Variants in KCNB2 observed in about 807,000 individuals in gnomAD.
KCNB2 encodes the protein delayed rectifier potassium channel protein.
Under a neutral mutation model 61.5 loss-of-function variants are expected in KCNB2, and 15 were observed. The observed-to-expected ratio is 0.24, with a 90% CI of 0.16 to 0.38. KCNB2 has a LOEUF of 0.38. Ranked by LOEUF, KCNB2 falls within the 10% of genes least tolerant of loss-of-function variation. The probability of loss-of-function intolerance (pLI) is 1.00; values close to 1 mark genes in which losing one functional copy is unlikely to be tolerated. For missense variants in KCNB2, 828 were observed against 1,125.2 expected, an observed-to-expected ratio of 0.74 and a Z score of 3.78; for synonymous variants, 457 against 446.0, an observed-to-expected ratio of 1.02 and a Z score of -0.31.
intron 2 of KCNB2, among the ~76,000 whole-genome samples, chr8:72,863,975 G>A (rs1307028763): frequency 6.6e-6 from 1 of 152,206 alleles, no homozygotes; most frequent in Non-Finnish European, 1.5e-5. Context: ...CTGCACTTCA[G>A]CCTGAGTGAC....
At chr8:72,884,287 T>G (rs1805767427) in intron 2 of KCNB2, among the ~76,000 whole-genome samples, 1 of 152,170 alleles carries the variant, frequency 6.6e-6, no homozygotes, top group African/African-American at 2.4e-5. Flanking sequence ...TATGTTGACT[T>G]GTAAGCATGC....
chr8:72,608,261 A>G (rs1386519060), intron 2 of KCNB2, among the ~76,000 whole-genome samples: 1 of 152,112 alleles, frequency 6.6e-6, no homozygotes, highest in African/African-American at 2.4e-5. Context: ...ACTGGCTGGA[A>G]TAGGGAGGTG....
At chr8:72,579,811 A>G (rs148544346) in intron 2 of KCNB2, among the ~76,000 whole-genome samples, 1 of 152,252 alleles carries the variant, frequency 6.6e-6, no homozygotes, top group Non-Finnish European at 1.5e-5. Context: ...TGTTCTTGCA[A>G]CCCTTACTCT....
At chr8:72,905,889 G>A (rs716340) in intron 2 of KCNB2, among the ~76,000 whole-genome samples, 89,239 of 151,874 alleles carry the variant, frequency 0.59, 27,566 homozygotes, top group Middle Eastern at 0.7. Context: ...TGTTTGGGAT[G>A]TAGATCAAGG....
intron 2 of KCNB2, among the ~76,000 whole-genome samples, chr8:72,819,219 T>TAA (rs200464235): frequency 5.4e-5 from 8 of 148,116 alleles, no homozygotes; most frequent in Non-Finnish European, 1.5e-5. Context: ...CTCTGCTTTC[T>TAA]AAAAAAAAAA....
chr8:72,645,504 G>C (rs1398894808), intron 2 of KCNB2, among the ~76,000 whole-genome samples: 1 of 152,084 alleles, frequency 6.6e-6, no homozygotes, highest in Non-Finnish European at 1.5e-5. Context: ...GCTAAAGGCA[G>C]ACCCAGAGAC....
In KCNB2 at chr8:72,561,774, TATGG is replaced by T. The variant is rs1449190458; in HGVS notation, c.-93-5865_-93-5862del. On this transcript the variant is annotated intron_variant, in intron 1 of 2. Transcript: ENST00000523207. ...ATATATATATATGGATATATATATA[TATGG>T]ATATATATATACATATATATATATA... Among the ~76,000 whole-genome samples, 106 of 23,662 alleles carry T rather than the reference TATGG, an allele frequency of 4.5e-3. 16 individuals carry two copies. The highest frequency in any genetic ancestry group is 6.5e-3 in the African/African-American group (34 of 5,196). 15.5% of individuals were successfully genotyped at this position (23,662 alleles called of 152,430 possible).
intron 2 of KCNB2, among the ~76,000 whole-genome samples, chr8:72,869,063 C>A (rs1319521366): frequency 6.6e-6 from 1 of 152,166 alleles, no homozygotes; most frequent in African/African-American, 2.4e-5. Flanking sequence ...GATGACCACT[C>A]CATACAAAGC....
rs141923254 is a variant in KCNB2 at position 72,937,116 on chromosome 8, C to T, written c.1761C>T (p.Ala587=). The change falls in exon 3 of 3, where the codon GCC becomes GCT. Residue 587 remains alanine, a synonymous_variant. Transcript: ENST00000523207. The part of the protein sequence containing the change: ...EEVVCPQEQL[A]VAQTEVIVDM... Reference sequence around the variant, plus strand: ...TGGTGTGTCCACAGGAGCAGCTGGCCGTGGCACAGACCGAGGTCATTGTGG... The same window carrying T: ...TGGTGTGTCCACAGGAGCAGCTGGCTGTGGCACAGACCGAGGTCATTGTGG... 6.2e-6 allele frequency: 10 copies of T among 1,613,982 alleles called. No homozygotes were observed. Among genetic ancestry groups the T allele is most frequent in the Middle Eastern group, 1.6e-4 (1 of 6,084 alleles).
chr8:72,665,694 G>GGCACAGAGCAAGTACTTCATGGGTA (rs1554582749), intron 2 of KCNB2, among the ~76,000 whole-genome samples: 1 of 152,252 alleles, frequency 6.6e-6, no homozygotes, highest in African/African-American at 2.4e-5. Context: ...TAACATGTAA[G>GGCACAGAGCAAGTACTTCATGGGTA]TTTGTTCTTA....
chr8:72,725,565 G>GTATA (rs111953660), intron 2 of KCNB2, among the ~76,000 whole-genome samples: 8 of 47,978 alleles, frequency 1.7e-4, no homozygotes, highest in South Asian at 5.0e-4. Context: ...ATGTATATAT[G>GTATA]TATATATATG....
chr8:72,892,766 T>A (rs1027166565), intron 2 of KCNB2, among the ~76,000 whole-genome samples: 1 of 152,206 alleles, frequency 6.6e-6, no homozygotes, highest in Non-Finnish European at 1.5e-5. Context: ...TATTTTTTTC[T>A]AAATCCTCTA....
At chr8:72,737,881 AG>A (rs1264356279) in intron 2 of KCNB2, among the ~76,000 whole-genome samples, 2 of 152,160 alleles carry the variant, frequency 1.3e-5, no homozygotes, top group East Asian at 3.9e-4. Context: ...ACTATAATTT[AG>A]AAACACCTCT....
rs1409359027 is a variant in KCNB2 at position 72,663,753 on chromosome 8, A to G, written c.579+95440A>G. 2.0e-5 allele frequency among the ~76,000 whole-genome samples: 3 copies of G among 152,208 alleles called. No individual in the cohort carries two copies. In the East Asian group the frequency reaches 5.8e-4, roughly 29 times the overall value. On this transcript the variant is annotated intron_variant, in intron 2 of 2. Transcript: ENST00000523207. ...ATGTGAGATAGATTGGTGTGGAAAC[A>G]GGAAAGGTAGGACAATCAAAAAGGA...
rs764506360 is a variant in KCNB2 at position 72,708,426 on chromosome 8, A to G, written c.579+140113A>G. On this transcript the variant is annotated intron_variant, in intron 2 of 2. Transcript: ENST00000523207. ...TAATTTGCTGAGATCATCCAAAATG[A>G]CTTATCCTAGTACAATAAGGAATCA... is the stretch of plus-strand genomic sequence containing the variant. Among the ~76,000 whole-genome samples the G allele has an allele frequency of 9.9e-4, 151 of 152,176 alleles. 2 individuals are homozygous for G. The highest frequency in any genetic ancestry group is 8.8e-4 in the Non-Finnish European group (60 of 68,042).
chr8:72,601,062 A>G (rs1805343768), intron 2 of KCNB2, among the ~76,000 whole-genome samples: 1 of 151,896 alleles, frequency 6.6e-6, no homozygotes, highest in South Asian at 2.1e-4. Context: ...TTTTGGTCTT[A>G]AGACTGTATT....
chr8:72,560,698 C>A (rs1335997998), intron 1 of KCNB2, among the ~76,000 whole-genome samples: 1 of 152,180 alleles, frequency 6.6e-6, no homozygotes, highest in Non-Finnish European at 1.5e-5. Context: ...GAGCCCTTTT[C>A]TGTGTGCATT....
intron 1 of KCNB2, among the ~76,000 whole-genome samples, chr8:72,539,997 G>C (rs902244092): frequency 3.9e-5 from 6 of 152,162 alleles, no homozygotes; most frequent in Admixed American, 6.5e-5. Flanking sequence ...ACTTAAGAGT[G>C]TGTCTGTCCA....
intron 2 of KCNB2, among the ~76,000 whole-genome samples, chr8:72,627,776 A>G (rs1467058074): frequency 6.6e-6 from 1 of 152,214 alleles, no homozygotes; most frequent in Non-Finnish European, 1.5e-5. Flanking sequence ...CTTCATAATG[A>G]CTTACTAACT....
Sources: allele counts gnomAD v4.1 joint callset (sites outside exome capture counted in the v4.1 genomes callset), GRCh38; gene constraint gnomAD v4.1.1; transcripts MANE v1.5; gene names NCBI Gene and HGNC (gene_info 2026-07-23, HGNC 2026-07-21).